The following TMPO variants were observed in gnomAD, a reference collection of about 807,000 sequenced individuals.
The protein encoded by TMPO is LEM domain containing 4.
TMPO carries 22 observed loss-of-function variants against 45.4 expected under a neutral mutation model. The observed-to-expected ratio is 0.48, with a 90% CI of 0.35 to 0.69. The LOEUF (loss-of-function observed/expected upper bound fraction) is 0.69, where lower values mean the gene tolerates loss of function less well. Ranked by LOEUF, TMPO falls within the 30% of genes least tolerant of loss-of-function variation. The pLI, the probability that TMPO is intolerant of heterozygous loss-of-function variation, is 0.01. For missense variants in TMPO, 512 were observed against 548.8 expected, an observed-to-expected ratio of 0.93 and a Z score of 0.67; for synonymous variants, 241 against 204.1, an observed-to-expected ratio of 1.18 and a Z score of -1.54.
At chr12:98,517,681 C>T (rs2121107512) in intron 1 of TMPO, among the ~76,000 whole-genome samples, 1 of 152,348 alleles carries the variant, frequency 6.6e-6, no homozygotes, top group South Asian at 2.1e-4. Flanking sequence ...GTGTCTGGCA[C>T]ATAGTAGTGC....
In TMPO at chr12:98,515,857, A is replaced by C. The variant is rs377404642; in HGVS notation, c.-11A>C. 459 of 1,610,236 alleles carry C rather than the reference A, an allele frequency of 2.9e-4. No individual in the cohort carries two copies. Among genetic ancestry groups the C allele is most frequent in the Non-Finnish European group, 3.6e-4 (422 of 1,178,350 alleles). On this transcript the variant is annotated 5_prime_UTR_variant, in exon 1 of 9. Transcript: ENST00000556029. ...AAAGGCTGTGGGGAGGGGGCTTCGC[A>C]GATCCCCGAGATGCCGGAGTTCCTG... is the stretch of plus-strand genomic sequence containing the variant.
chr12:98,550,111 A>C lies in TMPO; in HGVS notation c.*2253A>C, dbSNP rs1878452888. 1 of 152,220 alleles carries C rather than the reference A, an allele frequency of 6.6e-6. No individual in the cohort carries two copies. Among genetic ancestry groups the C allele is most frequent in the Non-Finnish European group, 1.5e-5 (1 of 68,038 alleles). The allele number at this position is 152,220 out of a possible 1,614,324, so 9.4% of individuals were successfully genotyped here. A position where few individuals can be genotyped will look rare whatever the true frequency, so the allele number is the denominator to read the frequency against. On this transcript the variant is annotated 3_prime_UTR_variant, in exon 9 of 9. Transcript: ENST00000556029. ...TGTATGTAAGATCAATTCACTTAAA[A>C]GTATGGTCCAAATAGCAAAAATAGG...
chr12:98,518,952 G>T (rs1377044128), intron 1 of TMPO, among the ~76,000 whole-genome samples: 1 of 151,920 alleles, frequency 6.6e-6, no homozygotes, highest in African/African-American at 2.4e-5. Context: ...CGCGATCTTG[G>T]CTCACTGCAA....
At chr12:98,518,966 C>G (rs1361481407) in intron 1 of TMPO, among the ~76,000 whole-genome samples, 1 of 151,956 alleles carries the variant, frequency 6.6e-6, no homozygotes, top group African/African-American at 2.4e-5. Flanking sequence ...ACTGCAAGCT[C>G]TGCCTCGTGG....
chr12:98,519,652 G>T (rs774565058), intron 1 of TMPO, among the ~76,000 whole-genome samples: 24 of 152,134 alleles, frequency 1.6e-4, no homozygotes, highest in Non-Finnish European at 1.8e-4. Context: ...AACTCAAGAG[G>T]TGTTTACCCT....
chr12:98,544,155 C>G, intron 4 of TMPO, 75 bp from the exon 5 acceptor site: 1 of 1,539,000 alleles, frequency 6.5e-7, no homozygotes, highest in Non-Finnish European at 8.9e-7. Flanking sequence ...CATGGCTTCT[C>G]AGTGTGCCAG....
intron 1 of TMPO, among the ~76,000 whole-genome samples, chr12:98,524,949 A>G (rs1876654723): frequency 6.6e-6 from 1 of 152,174 alleles, no homozygotes. Flanking sequence ...AATTTCCTGG[A>G]TGTTTTATTG....
At chr12:98,538,861 C>T (rs1213357432) in intron 4 of TMPO, among the ~76,000 whole-genome samples, 1 of 152,044 alleles carries the variant, frequency 6.6e-6, no homozygotes, top group Non-Finnish European at 1.5e-5. Flanking sequence ...TTTTATTGCC[C>T]TTTTATGTAG....
At chr12:98,523,101 C>G (rs958463445) in intron 1 of TMPO, among the ~76,000 whole-genome samples, 2 of 152,204 alleles carry the variant, frequency 1.3e-5, no homozygotes, top group African/African-American at 4.8e-5. Flanking sequence ...AGGAACAAAG[C>G]TTTCTGGAGG....
intron 5 of TMPO, 24 bp downstream of exon 5, chr12:98,544,373 G>T: frequency 6.2e-7 from 1 of 1,613,786 alleles, no homozygotes; most frequent in Non-Finnish European, 8.5e-7. Flanking sequence ...TATTCCTTGG[G>T]TTTTCAGATT....
At chr12:98,530,691 C>A (rs1281449658) in intron 2 of TMPO, among the ~76,000 whole-genome samples, 2 of 152,140 alleles carry the variant, frequency 1.3e-5, no homozygotes, top group Non-Finnish European at 2.9e-5. Flanking sequence ...TAGAACTTTT[C>A]TTTTCCCCAT....
intron 1 of TMPO, among the ~76,000 whole-genome samples, chr12:98,522,748 A>G (rs1184919464): frequency 6.6e-6 from 1 of 152,268 alleles, no homozygotes; most frequent in Non-Finnish European, 1.5e-5. Flanking sequence ...TGTATATCAT[A>G]GCATGCAGAT....
rs11109522 is a variant in TMPO, at chr12:98,537,186, C to T, written c.566-289C>T. ...AAAGCTTTCGTGGGAGCATTTTGAA[C>T]TCACTTCATGTTCAAAGCTATGAGT... On this transcript the variant is annotated intron_variant, in intron 3 of 8. Transcript: ENST00000556029. Among the ~76,000 whole-genome samples, 32,972 of 152,048 alleles carry T rather than the reference C, an allele frequency of 0.22. 4,628 individuals are homozygous for T. The highest frequency in any genetic ancestry group is 0.31 in the Non-Finnish European group (21,236 of 67,984).
chr12:98,515,803 G>A lies in TMPO; in HGVS notation c.-65G>A, dbSNP rs1592923847. On this transcript the variant is annotated 5_prime_UTR_variant, in exon 1 of 9. Coordinates refer to ENST00000556029, the MANE Select transcript of TMPO (RefSeq NM_001032283.3). ...GCGGCAGCGCGGTCCCCGGCCAGGA[G>A]CAAGCGCGCCGGCGTGAGCGGCGGC... 1.9e-5 allele frequency: 30 copies of A among 1,563,608 alleles called. No homozygotes were observed. Among genetic ancestry groups the A allele is most frequent in the East Asian group, 4.9e-5 (2 of 41,226 alleles).
At chr12:98,535,435 C>T in intron 3 of TMPO, 1 of 985,272 alleles carries the variant, frequency 1.0e-6, no homozygotes, top group Non-Finnish European at 1.2e-6. Context: ...AAAATATGGT[C>T]TCTTGGGTAC....
intron 1 of TMPO, among the ~76,000 whole-genome samples, chr12:98,524,680 G>A (rs1444412866): frequency 6.6e-6 from 1 of 151,836 alleles, no homozygotes; most frequent in Admixed American, 6.6e-5. Context: ...TGCAACCTCC[G>A]CCTCCCAGAT....
At chr12:98,518,077 G>A (rs1211614213) in intron 1 of TMPO, among the ~76,000 whole-genome samples, 4 of 151,930 alleles carry the variant, frequency 2.6e-5, no homozygotes, top group Non-Finnish European at 4.4e-5. Context: ...CCCGGGAGGC[G>A]GAGGTTGCAG....
chr12:98,516,389 T>C, intron 1 of TMPO: 2 of 1,195,360 alleles, frequency 1.7e-6, no homozygotes, highest in Non-Finnish European at 2.1e-6. Flanking sequence ...TGGAGTTGCG[T>C]TGGCGGCGGT....
chr12:98,547,454 C>T (rs2121261803), intron 8 of TMPO, 119 bp from the exon 9 acceptor site: 1 of 1,206,870 alleles, frequency 8.3e-7, no homozygotes, highest in Non-Finnish European at 1.2e-6. Context: ...TATCAATTTT[C>T]TACTGTTACC....
Sources: gnomAD v4.1 joint callset for allele counts (sites outside exome capture counted in the v4.1 genomes callset) on GRCh38, gnomAD v4.1.1 for gene constraint, MANE v1.5 for transcripts, NCBI Gene and HGNC (gene_info 2026-07-23, HGNC 2026-07-21) for gene names.